The following TRPM5 variants were observed in gnomAD, a reference collection of about 807,000 sequenced individuals.
The protein encoded by TRPM5 is MLSN1 and TRP-related.
Under a neutral mutation model 124.9 loss-of-function variants are expected in TRPM5, and 121 were observed. That is an observed-to-expected ratio of 0.97 (90% CI 0.84 to 1.13). The LOEUF is 1.13. Among genes scored for constraint, TRPM5 ranks in the 50% most tolerant of loss-of-function variants. The pLI, the probability that TRPM5 is intolerant of heterozygous loss-of-function variation, is 0.00. For missense variants in TRPM5, 1,643 were observed against 1,589.1 expected, an observed-to-expected ratio of 1.03 and a Z score of -0.58; for synonymous variants, 781 against 700.5, an observed-to-expected ratio of 1.11 and a Z score of -1.81.
At position 2,407,113 on chromosome 11, in the gene TRPM5, C is replaced by T. The variant is rs1306055972; in HGVS notation, c.3118+6G>A. Reference sequence around the variant, plus strand: ...CCCAGGTGCTCCCGCTTGTGCTCGGCCTCACCCAGGTGCTCCCGCTTGTGC... The same window carrying T: ...CCCAGGTGCTCCCGCTTGTGCTCGGTCTCACCCAGGTGCTCCCGCTTGTGC... On this transcript the variant is annotated splice_donor_region_variant and intron_variant, in intron 20 of 23. Coordinates refer to ENST00000155858, the Ensembl canonical transcript of TRPM5. 1.9e-6 allele frequency: 3 copies of T among 1,574,356 alleles called. No individual in the cohort carries two copies. The highest frequency in any genetic ancestry group is 2.6e-6 in the Non-Finnish European group (3 of 1,163,256).
chr11:2,405,474 G>A, intron 23 of TRPM5, 53 bp downstream of exon 28: 10 of 1,521,248 alleles, frequency 6.6e-6, no homozygotes, highest in Non-Finnish European at 6.2e-6. Flanking sequence ...CCCAGCCGCT[G>A]CAGAGTGGGT....
In TRPM5 at chr11:2,422,174, G is replaced by A. The variant is rs774051811; in HGVS notation, c.265C>T (p.Arg89Cys). 1.6e-5 allele frequency: 25 copies of A among 1,611,424 alleles called. No individual in the cohort carries two copies. The highest frequency in any genetic ancestry group is 1.8e-5 in the Non-Finnish European group (21 of 1,179,378). ...TGAGCCGCCTTCACCAGCCCCTTGC[G>A]CAGCACATCCCGCAGCCAGGACTTC... The change falls in exon 2 of 24, where the codon CGC (arginine) becomes TGC (cysteine). Residue 89 changes from arginine to cysteine, a missense_variant. Coordinates refer to ENST00000155858, the Ensembl canonical transcript of TRPM5.
intron 12 of TRPM5, 52 bp downstream of exon 17, chr11:2,414,009 G>GGGGGGGGCCCCCCCCCCCCC: frequency 1.3e-5 from 13 of 1,023,712 alleles, no homozygotes; most frequent in East Asian, 2.8e-5. Context: ...GGCCCAGCTC[G>GGGGGGGGCCCCCCCCCCCCC]CCCGCCCACC....
chr11:2,432,420 C>T, the TRPM5 span, among the ~76,000 whole-genome samples: 1 of 152,230 alleles, frequency 6.6e-6, no homozygotes, highest in Non-Finnish European at 1.5e-5. Flanking sequence ...CAGCAGATCC[C>T]CTTTGGATCT....
intron 1 of TRPM5, 122 bp downstream of exon 6, chr11:2,422,798 C>T (rs1324912875): frequency 2.8e-5 from 24 of 853,504 alleles, no homozygotes; most frequent in Admixed American, 3.6e-5. Context: ...TGAATATGGC[C>T]CCAGGGGAGC....
intron 12 of TRPM5, 46 bp downstream of exon 17, chr11:2,414,015 C>CCCCCCCCCCCCCCCCCCCCCCACA: frequency 1.3e-6 from 1 of 752,952 alleles, no homozygotes; most frequent in Non-Finnish European, 2.1e-6. Flanking sequence ...GCTCGCCCGC[C>CCCCCCCCCCCCCCCCCCCCCCACA]CACCCCACCC....
chr11:2,415,363 C>T lies in TRPM5; in HGVS notation c.1237G>A (p.Gly413Arg), dbSNP rs758731438. 5.0e-6 allele frequency: 8 copies of T among 1,588,040 alleles called. No individual in the cohort carries two copies. Among genetic ancestry groups the T allele is most frequent in the Admixed American group, 1.7e-5 (1 of 58,636 alleles). The change falls in exon 9 of 24, where the codon GGG becomes AGG. Residue 413 changes from glycine to arginine, a missense_variant. Coordinates refer to ENST00000155858, the Ensembl canonical transcript of TRPM5. ...GAGCGGTAGAGCTCCTGCAGCCGCC[C>T]ATACGTCAGGAAGTCGGCCACGTCT...
rs1429126077 is a variant in TRPM5 at position 2,413,251 on chromosome 11, C to T, written c.2004-25G>A. ...ACTGCGAGCACAGGAGAGCTCAGGGCCCGCAGGAAGGGCTCCCAGAGGCGC... is the reference window on the plus strand; with the variant it reads ...ACTGCGAGCACAGGAGAGCTCAGGGTCCGCAGGAAGGGCTCCCAGAGGCGC... On this transcript the variant is annotated intron_variant, in intron 13 of 23. Coordinates refer to ENST00000155858, the Ensembl canonical transcript of TRPM5. 3.3e-6 allele frequency: 5 copies of T among 1,514,072 alleles called. No homozygotes were observed. The East Asian group carries it at 7.4e-5, about 22-fold the overall frequency. The allele number at this position is 1,514,072 out of a possible 1,614,324, so 93.8% of individuals were successfully genotyped here. A position where few individuals can be genotyped will look rare whatever the true frequency, so the allele number is the denominator to read the frequency against.
At chr11:2,434,609 G>A in the TRPM5 span, among the ~76,000 whole-genome samples, 978 of 151,620 alleles carry the variant, frequency 6.5e-3, 10 homozygotes, top group African/African-American at 0.023. Context: ...GTATGTGTGT[G>A]TGTGTAGGTG....
chr11:2,406,070 G>A, exon 22 of TRPM5: 2 of 1,612,172 alleles, frequency 1.2e-6, no homozygotes, highest in Middle Eastern at 1.7e-4. Context: ...GACCCCCGAG[G>A]TACTTGGCAA....
At position 2,412,740 on chromosome 11, in the gene TRPM5, G is replaced by A. The variant is rs1189760576; in HGVS notation, c.2355+14C>T. 6.3e-7 allele frequency: 1 copy of A among 1,579,178 alleles called. No homozygotes were observed. Among genetic ancestry groups the A allele is most frequent in the Admixed American group, 1.8e-5 (1 of 56,804 alleles). On this transcript the variant is annotated intron_variant, in intron 15 of 23. Coordinates refer to ENST00000155858, the Ensembl canonical transcript of TRPM5. Reference sequence around the variant, plus strand: ...TGCAGAGTGGAGGGGACCTAGGCTAGTGTGGCCACCGACCTGCCGGATTTC... The same window carrying A: ...TGCAGAGTGGAGGGGACCTAGGCTAATGTGGCCACCGACCTGCCGGATTTC...
chr11:2,430,570 C>T, the TRPM5 span, among the ~76,000 whole-genome samples: 28 of 147,124 alleles, frequency 1.9e-4, no homozygotes, highest in African/African-American at 5.8e-4. Flanking sequence ...AGGGTGGTGG[C>T]GGTGATGGTG....
At position 2,420,144 on chromosome 11, in the gene TRPM5, C is replaced by A. The variant is rs1369386406; in HGVS notation, c.649+78G>T. 14 of 1,493,664 alleles carry A rather than the reference C, an allele frequency of 9.4e-6. No individual in the cohort carries two copies. The Admixed American group carries it at 2.5e-4, about 26-fold the overall frequency. The allele number at this position is 1,493,664 out of a possible 1,614,324, so 92.5% of individuals were successfully genotyped here. ...CCCTCCCCCTTCTCCCTGGCGGTCA[C>A]CCCCACTCTCCCACAGGCGGGTCCC... On this transcript the variant is annotated intron_variant, in intron 4 of 23. Coordinates refer to ENST00000155858, the Ensembl canonical transcript of TRPM5.
exon 19 of TRPM5, chr11:2,407,770 G>T: frequency 6.2e-7 from 1 of 1,613,696 alleles, no homozygotes; most frequent in Non-Finnish European, 8.5e-7. Flanking sequence ...TGAACATGGC[G>T]ATGAGCAGGT....
At chr11:2,411,312 A>C in intron 18 of TRPM5, 40 bp downstream of exon 23, 1 of 1,509,804 alleles carries the variant, frequency 6.6e-7, no homozygotes, top group Non-Finnish European at 8.9e-7. Flanking sequence ...ACAGGGCTCC[A>C]ATTTCTCCCT....
chr11:2,415,090 C>T lies in TRPM5; in HGVS notation c.1479+31G>A, dbSNP rs750395311. 52 of 1,584,106 alleles carry T rather than the reference C, an allele frequency of 3.3e-5. No individual in the cohort carries two copies. The South Asian group carries it at 4.3e-4, about 13-fold the overall frequency. On this transcript the variant is annotated intron_variant, in intron 9 of 23. Coordinates refer to ENST00000155858, the Ensembl canonical transcript of TRPM5. Reference sequence around the variant, plus strand: ...CGGCCTCCTGCTGCGGCCCCAGCCTCGCCCTCCATCCCCACGGAGCCCCCG... The same window carrying T: ...CGGCCTCCTGCTGCGGCCCCAGCCTTGCCCTCCATCCCCACGGAGCCCCCG...
intron 15 of TRPM5, 91 bp from the exon 21 acceptor site, chr11:2,412,344 A>AGGGTTCAGCGTGCCATGGGGATC: frequency 9.8e-7 from 1 of 1,016,654 alleles, no homozygotes. Flanking sequence ...TGTAAGGATC[A>AGGGTTCAGCGTGCCATGGGGATC]GGGTTCCATC....
intron 11 of TRPM5, 90 bp downstream of exon 16, chr11:2,414,625 C>T: frequency 7.0e-7 from 1 of 1,426,440 alleles, no homozygotes. Context: ...CGGTAACAGG[C>T]AGCCCTGGCG....
exon 9 of TRPM5, chr11:2,415,362 C>A: frequency 6.3e-7 from 1 of 1,587,858 alleles, no homozygotes; most frequent in East Asian, 2.3e-5. Flanking sequence ...CTGCAGCCGC[C>A]CATACGTCAG....
Sources: allele counts gnomAD v4.1 joint callset (sites outside exome capture counted in the v4.1 genomes callset), GRCh38; gene constraint gnomAD v4.1.1; transcripts MANE v1.5; gene names NCBI Gene and HGNC (gene_info 2026-07-23, HGNC 2026-07-21).